Variants in SPINT1 observed in about 807,000 individuals in gnomAD.
SPINT1 encodes the protein serine peptidase inhibitor, Kunitz type 1, also known as kunitz-type protease inhibitor 1.
A neutral mutation model predicts 53.7 loss-of-function variants in SPINT1; 38 were observed. That is an observed-to-expected ratio of 0.71 (90% confidence interval 0.55 to 0.93). The LOEUF is 0.93. Ranked by LOEUF, SPINT1 falls within the 40% of genes least tolerant of loss-of-function variation. SPINT1 has a pLI of 0.00. For missense variants in SPINT1, 645 were observed against 692.9 expected (o/e 0.93, Z 0.78); for synonymous variants, 283 against 280.6 (o/e 1.01, Z -0.08).
At chr15:40,852,468 C>T (rs1891486043) in intron 2 of SPINT1, among the ~76,000 whole-genome samples, 1 of 152,160 alleles carries the variant, frequency 6.6e-6, no homozygotes, top group Non-Finnish European at 1.5e-5. Context: ...TTGTCACCCA[C>T]CCCCATGCCT....
intron 2 of SPINT1, among the ~76,000 whole-genome samples, chr15:40,848,617 C>T (rs1284584728): frequency 1.3e-5 from 2 of 152,106 alleles, no homozygotes; most frequent in Admixed American, 6.6e-5. Context: ...GAAAGAAAAT[C>T]TAAATCAGGA....
Position 40,854,377 on chromosome 15 carries a change from C to T in SPINT1, c.941-20C>T. ...GCACTTGTTCTTTGCTTGAGCCTGA[C>T]CTCCCTTCCACCCGTCCAGTGTGCT... On this transcript the variant is annotated intron_variant, in intron 6 of 10. Transcript: ENST00000562057. 6.5e-7 allele frequency: 1 copy of T among 1,529,640 alleles called. No homozygotes were observed. The highest frequency in any genetic ancestry group is 8.8e-7 in the Non-Finnish European group (1 of 1,141,816). The allele number at this position is 1,529,640 out of a possible 1,614,324, so 94.8% of individuals were successfully genotyped here.
rs570604355 is a variant in SPINT1 at position 40,849,215 on chromosome 15, C to T, written c.476-3909C>T. 2.6e-5 allele frequency among the ~76,000 whole-genome samples: 4 copies of T among 151,114 alleles called. No homozygotes were observed. The South Asian group carries it at 8.4e-4, about 32-fold the overall frequency. On this transcript the variant is annotated intron_variant, in intron 2 of 10. Transcript: ENST00000562057. ...GAGCCAAGATCACGCCACTGCCCTC[C>T]AGTCTGGGCAACAGAGCAACACTCC...
chr15:40,854,540 G>T lies in SPINT1; in HGVS notation c.1066+18G>T. ...TGAAAAATGTGAGGCCTGGGGGATA[G>T]AGGGGGTTGGGCAGCAGACAGGGAG... On this transcript the variant is annotated intron_variant, in intron 7 of 10. Transcript: ENST00000562057. 6.2e-7 allele frequency: 1 copy of T among 1,613,734 alleles called. No individual in the cohort carries two copies. The highest frequency in any genetic ancestry group is 8.5e-7 in the Non-Finnish European group (1 of 1,179,822).
intron 10 of SPINT1, 54 bp downstream of exon 10, chr15:40,856,377 G>T: frequency 6.2e-7 from 1 of 1,605,022 alleles, no homozygotes; most frequent in Non-Finnish European, 8.5e-7. Flanking sequence ...TCAACTCACG[G>T]ATCAACTCCA....
At chr15:40,854,965 T>A (rs1891590001) in intron 8 of SPINT1, among the ~76,000 whole-genome samples, 2 of 152,222 alleles carry the variant, frequency 1.3e-5, no homozygotes, top group Admixed American at 6.5e-5. Context: ...TCTTATTTAC[T>A]TAATCAGTTA....
In SPINT1 at chr15:40,856,879, C is replaced by T. The variant is rs766616647; in HGVS notation, c.1446C>T (p.His482=). 6.2e-6 allele frequency: 10 copies of T among 1,614,106 alleles called. No individual in the cohort carries two copies. Among genetic ancestry groups the T allele is most frequent in the Non-Finnish European group, 6.8e-6 (8 of 1,179,998 alleles). Residue 482 remains histidine, a synonymous_variant, in exon 11 of 11, where the codon CAC becomes CAT. Coordinates refer to ENST00000562057, the MANE Select transcript of SPINT1 (RefSeq NM_003710.4). ...FKNQRKDFHG[H]HHHPPPTPAS... Reference sequence around the variant, plus strand: ...ACCAGAGAAAGGACTTCCACGGACACCACCACCACCCACCACCCACCCCTG... The same window carrying T: ...ACCAGAGAAAGGACTTCCACGGACATCACCACCACCCACCACCCACCCCTG...
Position 40,856,745 on chromosome 15 carries a change from C to T in SPINT1, c.1337-25C>T, listed in dbSNP as rs777138347. On this transcript the variant is annotated intron_variant, in intron 10 of 10. Coordinates refer to ENST00000562057, the MANE Select transcript of SPINT1 (RefSeq NM_003710.4). Reference sequence around the variant, plus strand: ...AGAACCAGGCAGGCCCTGGGAGCCCCTTATTCTACCCCTTCTTCCCCCAGG... The same window carrying T: ...AGAACCAGGCAGGCCCTGGGAGCCCTTTATTCTACCCCTTCTTCCCCCAGG... The T allele has an allele frequency of 1.3e-5, 21 of 1,613,460 alleles. 1 individual carries two copies. Among genetic ancestry groups the T allele is most frequent in the Non-Finnish European group, 1.8e-5 (21 of 1,179,918 alleles).
rs1355336314 is a variant in SPINT1, at chr15:40,844,733, G to A, written c.179G>A (p.Gly60Asp). 3 of 1,609,510 alleles carry A rather than the reference G, an allele frequency of 1.9e-6. No individual in the cohort carries two copies. Among genetic ancestry groups the A allele is most frequent in the East Asian group, 2.2e-5 (1 of 44,748 alleles). Residue 60 changes from glycine (G) to aspartate (D), a missense_variant, in exon 2 of 11, where the codon GGC becomes GAC. Coordinates refer to ENST00000562057, the MANE Select transcript of SPINT1 (RefSeq NM_003710.4). The surrounding 1 kb of genome is among the most constrained non-coding windows in gnomAD (Gnocchi z 5.8). Reference sequence around the variant, plus strand: ...AACAGCTTTACCGCCGGGGTGCCTGGCTTCGTGCTGGACACCAACGCCTCG... The same window carrying A: ...AACAGCTTTACCGCCGGGGTGCCTGACTTCGTGCTGGACACCAACGCCTCG... ...CLNSFTAGVP[G>D]FVLDTNASVS...
chr15:40,855,954 AACCCC>A lies in SPINT1; in HGVS notation c.1181_1185del (p.Asn394IlefsTer21). On this transcript the variant is annotated frameshift_variant, in exon 9 of 11. Transcript: ENST00000562057. LOFTEE classifies it high-confidence loss of function. Reference sequence around the variant, plus strand: ...GGAGAGCATCCCGCGCTGGTACTACAACCCCTTCAGCGAACACTGCGCCCGCTTTA... The same window carrying A: ...GGAGAGCATCCCGCGCTGGTACTACATTCAGCGAACACTGCGCCCGCTTTA... 6.2e-7 allele frequency: 1 copy of A among 1,614,258 alleles called. No homozygotes were observed. Among genetic ancestry groups the A allele is most frequent in the Non-Finnish European group, 8.5e-7 (1 of 1,180,040 alleles).
chr15:40,856,040 C>G lies in SPINT1; in HGVS notation c.1266C>G (p.Leu422=). Residue 422 remains leucine, a synonymous_variant, in exon 9 of 11, where the codon CTC becomes CTG. Coordinates refer to ENST00000562057, the MANE Select transcript of SPINT1 (RefSeq NM_003710.4). ...ACTTTGAGGAAGAGCAGCAGTGCCT[C>G]GAGTCTTGTCGCGGCATCTCCAGTG... ...KNNFEEEQQC[L]ESCRGISKKD... is the part of the protein sequence containing the mutation. 7 of 1,614,106 alleles carry G rather than the reference C, an allele frequency of 4.3e-6. No homozygotes were observed. In the East Asian group the frequency reaches 6.7e-5, roughly 15 times the overall value.
intron 5 of SPINT1, 56 bp from the exon 6 acceptor site, chr15:40,854,004 C>A: frequency 1.1e-6 from 1 of 902,480 alleles, no homozygotes; most frequent in Admixed American, 2.0e-5. Flanking sequence ...CCCCAATTAT[C>A]TCATCCCCAC....
chr15:40,856,259 C>T lies in SPINT1; in HGVS notation c.1289-17C>T, dbSNP rs564184501. 43 of 1,614,090 alleles carry T rather than the reference C, an allele frequency of 2.7e-5. No individual in the cohort carries two copies. The South Asian group carries it at 4.3e-4, about 16-fold the overall frequency. ...AGCCCTCAGTACTGACTGGTCTTTC[C>T]CCTCATCATTCTGCAGAGAAGGATG... is the stretch of plus-strand genomic sequence containing the variant. On this transcript the variant is annotated splice_polypyrimidine_tract_variant and intron_variant, in intron 9 of 10. Transcript: ENST00000562057.
chr15:40,847,376 C>G (rs532105078), intron 2 of SPINT1, among the ~76,000 whole-genome samples: 1 of 152,186 alleles, frequency 6.6e-6, no homozygotes, highest in Non-Finnish European at 1.5e-5. Flanking sequence ...ACGTGGGTCA[C>G]GGGCACTGAG....
At chr15:40,848,938 GTTTT>G (rs562087979) in intron 2 of SPINT1, among the ~76,000 whole-genome samples, 1 of 137,090 alleles carries the variant, frequency 7.3e-6, no homozygotes, top group Non-Finnish European at 1.6e-5. Flanking sequence ...TGGTTTTTCT[GTTTT>G]TTTTTTTTTT....
At chr15:40,855,804 G>A (rs1452883875) in intron 8 of SPINT1, 88 bp from the exon 9 acceptor site, 3 of 1,428,778 alleles carry the variant, frequency 2.1e-6, no homozygotes, top group Non-Finnish European at 2.9e-6. Flanking sequence ...CAGGTGGGGA[G>A]GTGCTGGGCA....
At chr15:40,845,333 T>C (rs1224477202) in intron 2 of SPINT1, among the ~76,000 whole-genome samples, 2 of 141,880 alleles carry the variant, frequency 1.4e-5, no homozygotes, top group African/African-American at 5.2e-5. Flanking sequence ...TTTTTTTTTT[T>C]TTTTTTTTTT....
Position 40,857,005 on chromosome 15 carries a change from C to T in SPINT1, c.*30C>T, listed in dbSNP as rs757608091. On this transcript the variant is annotated 3_prime_UTR_variant, in exon 11 of 11. Coordinates refer to ENST00000562057, the MANE Select transcript of SPINT1 (RefSeq NM_003710.4). ...GGGTCTCACCGGCTCTCACCTGGCC[C>T]TGCTTCCTGCTTGCCAAGGCAGAGG... is the stretch of plus-strand genomic sequence containing the variant. 5.6e-6 allele frequency: 9 copies of T among 1,608,416 alleles called. No homozygotes were observed. The African/African-American group carries it at 9.3e-5, about 17-fold the overall frequency.
Position 40,845,318 on chromosome 15 carries a change from ATTTTTTTTTTTT to A in SPINT1, c.475+309_475+320del, listed in dbSNP as rs34480117. Among the ~76,000 whole-genome samples, 25 of 58,200 alleles carry A rather than the reference ATTTTTTTTTTTT, an allele frequency of 4.3e-4. 1 individual carries two copies. Among genetic ancestry groups the A allele is most frequent in the Admixed American group, 9.0e-4 (4 of 4,464 alleles). The allele number at this position is 58,200 out of a possible 152,430, so 38.2% of individuals were successfully genotyped here. A position where few individuals can be genotyped will look rare whatever the true frequency, so the allele number is the denominator to read the frequency against. Reference sequence around the variant, plus strand: ...AGGCACCCGCTACCAGACCCGGCTAATTTTTTTTTTTTTTTTTTTTTTTTTTTTTTTGGTACA... The same window carrying A: ...AGGCACCCGCTACCAGACCCGGCTAATTTTTTTTTTTTTTTTTTTGGTACA... On this transcript the variant is annotated intron_variant, in intron 2 of 10. Coordinates refer to ENST00000562057, the MANE Select transcript of SPINT1 (RefSeq NM_003710.4).
Sources: allele counts gnomAD v4.1 joint callset (sites outside exome capture counted in the v4.1 genomes callset), GRCh38; gene constraint gnomAD v4.1.1; non-coding constraint Gnocchi (gnomAD v3.1); transcripts MANE v1.5; gene names NCBI Gene and HGNC (gene_info 2026-07-23, HGNC 2026-07-21).